LTBP1: variants seen among roughly 807,000 people sequenced by gnomAD.
LTBP1 encodes latent-transforming growth factor beta-binding protein 1.
Under a neutral mutation model 207.6 loss-of-function variants are expected in LTBP1, and 129 were observed. The ratio of observed to expected loss-of-function variants is 0.62; its 90% CI spans 0.54 to 0.72. LTBP1 has a LOEUF of 0.72. Among genes scored for constraint, LTBP1 ranks in the 30% least tolerant of loss-of-function variants. The pLI is 0.00. For missense variants in LTBP1, 2,281 were observed against 2,217.2 expected (o/e 1.03, Z -0.58); for synonymous variants, 963 against 833.7 (o/e 1.16, Z -2.67).
intron 10 of LTBP1, among the ~76,000 whole-genome samples, chr2:33,250,884 C>T (rs1304846966): frequency 6.6e-6 from 1 of 152,090 alleles, no homozygotes; most frequent in African/African-American, 2.4e-5. Context: ...CTGGCCTGCC[C>T]AGCTGCTAAC....
chr2:33,091,470 G>T (rs116511611), intron 3 of LTBP1, among the ~76,000 whole-genome samples: 83 of 152,256 alleles, frequency 5.5e-4, no homozygotes, highest in African/African-American at 1.9e-3. Context: ...AAGAGCTGAG[G>T]TTCCTACGTA....
At chr2:33,369,683 G>A (rs116263027) in intron 31 of LTBP1, among the ~76,000 whole-genome samples, 6,690 of 152,120 alleles carry the variant, frequency 0.044, 291 homozygotes, top group Non-Finnish European at 0.059. Flanking sequence ...TATTACAGGC[G>A]CGCACCACCA....
intron 2 of LTBP1, among the ~76,000 whole-genome samples, chr2:32,950,079 C>T (rs1676868812): frequency 6.6e-6 from 1 of 152,180 alleles, no homozygotes; most frequent in Admixed American, 6.5e-5. Flanking sequence ...TTAAATTATA[C>T]TTGTCAGAAA....
intron 31 of LTBP1, among the ~76,000 whole-genome samples, chr2:33,368,290 A>G (rs1458555013): frequency 1.3e-5 from 2 of 152,194 alleles, no homozygotes; most frequent in South Asian, 2.1e-4. Flanking sequence ...CAAAGAACTA[A>G]AAATAGAACT....
At chr2:33,341,810 A>C (rs922109555) in intron 24 of LTBP1, among the ~76,000 whole-genome samples, 1 of 150,882 alleles carries the variant, frequency 6.6e-6, no homozygotes, top group Non-Finnish European at 1.5e-5. Flanking sequence ...AACTCTCCCC[A>C]AACTAAACTC....
At chr2:33,250,199 C>T (rs1235744631) in intron 10 of LTBP1, among the ~76,000 whole-genome samples, 1 of 151,924 alleles carries the variant, frequency 6.6e-6, no homozygotes, top group African/African-American at 2.4e-5. Context: ...CAATTTAGGT[C>T]GTAAAATAGG....
At chr2:33,171,999 T>C (rs2085505507) in intron 5 of LTBP1, among the ~76,000 whole-genome samples, 2 of 152,164 alleles carry the variant, frequency 1.3e-5, no homozygotes, top group Non-Finnish European at 2.9e-5. Context: ...AAAGAGCTCC[T>C]GAAGGAAGCA....
chr2:33,351,217 C>T (rs1442094925), intron 26 of LTBP1, among the ~76,000 whole-genome samples: 1 of 152,144 alleles, frequency 6.6e-6, no homozygotes, highest in Non-Finnish European at 1.5e-5. Flanking sequence ...ATTTAGAAAC[C>T]ACCTTAGTGA....
chr2:33,129,610 A>G (rs1249709565), intron 4 of LTBP1, among the ~76,000 whole-genome samples: 5 of 152,152 alleles, frequency 3.3e-5, no homozygotes, highest in East Asian at 1.9e-4. Flanking sequence ...TTGCTTATTC[A>G]GTTATTCTCT....
chr2:33,347,181 G>A (rs1351849102), intron 25 of LTBP1, among the ~76,000 whole-genome samples, 186 bp from the exon 26 acceptor site: 5 of 147,144 alleles, frequency 3.4e-5, no homozygotes, highest in East Asian at 2.0e-4. Context: ...TAGTCCTTTC[G>A]TACAGACCAA....
chr2:33,055,183 G>A (rs2076932857), intron 3 of LTBP1, among the ~76,000 whole-genome samples: 2 of 152,128 alleles, frequency 1.3e-5, no homozygotes, highest in Non-Finnish European at 1.5e-5. Context: ...TCTAGATTTT[G>A]TTCAGGGCCC....
At position 32,948,962 on chromosome 2, in the gene LTBP1, A is replaced by C; in HGVS notation, c.565+17A>C. 1 of 1,613,990 alleles carries C rather than the reference A, an allele frequency of 6.2e-7. No individual in the cohort carries two copies. The highest frequency in any genetic ancestry group is 2.2e-5 in the East Asian group (1 of 44,878). ...GCACCAAACGTAAGTTGCCATGTTCACAGTGGCCCTGCACAGTAGGCAAAG... is the reference window on the plus strand; with the variant it reads ...GCACCAAACGTAAGTTGCCATGTTCCCAGTGGCCCTGCACAGTAGGCAAAG... On this transcript the variant is annotated intron_variant, in intron 2 of 33. Coordinates refer to ENST00000404816, the MANE Select transcript of LTBP1 (RefSeq NM_206943.4).
At chr2:33,395,004 T>C (rs2095346329) in intron 32 of LTBP1, among the ~76,000 whole-genome samples, 1 of 152,178 alleles carries the variant, frequency 6.6e-6, no homozygotes, top group Non-Finnish European at 1.5e-5. Flanking sequence ...ATTATCTCAT[T>C]CTTTTTTATG....
At chr2:33,361,549 T>C (rs1283096766) in intron 28 of LTBP1, 34 bp downstream of exon 28, 3 of 1,428,818 alleles carry the variant, frequency 2.1e-6, no homozygotes, top group Non-Finnish European at 3.0e-6. Flanking sequence ...TTTCAGCACA[T>C]TGTGTACATG....
intron 4 of LTBP1, among the ~76,000 whole-genome samples, chr2:33,112,707 A>C (rs542822988): frequency 6.6e-6 from 1 of 152,224 alleles, no homozygotes; most frequent in Non-Finnish European, 1.5e-5. Context: ...TGAAATGGCA[A>C]AATGGAGTAA....
intron 11 of LTBP1, among the ~76,000 whole-genome samples, chr2:33,253,143 G>C (rs1209621085): frequency 6.6e-6 from 1 of 152,140 alleles, no homozygotes; most frequent in Non-Finnish European, 1.5e-5. Context: ...AGTGTAGAGA[G>C]ACCAGAAGGC....
chr2:33,196,267 TA>T (rs1486675756), intron 7 of LTBP1, among the ~76,000 whole-genome samples: 1 of 152,032 alleles, frequency 6.6e-6, no homozygotes, highest in African/African-American at 2.4e-5. Flanking sequence ...ATCATTGTAT[TA>T]TCCTTTGAAT....
At chr2:33,240,463 A>G (rs2092271666) in intron 9 of LTBP1, among the ~76,000 whole-genome samples, 1 of 152,118 alleles carries the variant, frequency 6.6e-6, no homozygotes, top group Non-Finnish European at 1.5e-5. Flanking sequence ...CTTTACTTTA[A>G]TTTAGAAAGC....
At chr2:32,973,266 A>G (rs1235640125) in intron 2 of LTBP1, among the ~76,000 whole-genome samples, 3 of 149,794 alleles carry the variant, frequency 2.0e-5, no homozygotes, top group Non-Finnish European at 4.5e-5. Flanking sequence ...TTATTGTGTC[A>G]TTATCTAAGT....
Sources: allele counts gnomAD v4.1 joint callset (sites outside exome capture counted in the v4.1 genomes callset), GRCh38; gene constraint gnomAD v4.1.1; transcripts MANE v1.5; gene names NCBI Gene and HGNC (gene_info 2026-07-23, HGNC 2026-07-21).